KLHL1: variants seen among roughly 807,000 people sequenced by gnomAD.
KLHL1 encodes kelch-like protein 1.
KLHL1 carries 47 observed loss-of-function variants against 77.7 expected under a neutral mutation model. The observed-to-expected ratio is 0.60, with a 90% CI of 0.48 to 0.77. KLHL1 has a LOEUF of 0.77. KLHL1 is among the 30% of genes least tolerant of loss of function. The probability of loss-of-function intolerance (pLI) is 0.00; values close to 1 mark genes in which losing one functional copy is unlikely to be tolerated. For synonymous variants in KLHL1, 360 were observed against 325.2 expected (o/e 1.11, Z -1.15); for missense variants, 925 against 910.8 (o/e 1.02, Z -0.20).
intron 1 of KLHL1, among the ~76,000 whole-genome samples, chr13:69,981,225 A>T (rs868575257): frequency 4.2e-4 from 61 of 144,106 alleles, no homozygotes; most frequent in African/African-American, 1.6e-3. Flanking sequence ...TGACAATACT[A>T]AAATTACACT....
At chr13:69,722,530 G>T (rs987615609) in intron 8 of KLHL1, among the ~76,000 whole-genome samples, 1 of 151,530 alleles carries the variant, frequency 6.6e-6, no homozygotes, top group African/African-American at 2.4e-5. Flanking sequence ...AATTCCAGGA[G>T]CAAACAGATA....
intron 1 of KLHL1, among the ~76,000 whole-genome samples, chr13:70,021,551 T>C (rs565781251): frequency 2.2e-4 from 33 of 152,188 alleles, no homozygotes; most frequent in African/African-American, 7.9e-4. Context: ...CTGAATCTCA[T>C]GGCAAACGTA....
intron 2 of KLHL1, among the ~76,000 whole-genome samples, chr13:69,973,382 A>G (rs1884450558): frequency 6.6e-6 from 1 of 151,764 alleles, no homozygotes; most frequent in Non-Finnish European, 1.5e-5. Context: ...ATTATGAATG[A>G]ATACTGAGCA....
At chr13:70,015,649 C>T (rs1309152882) in intron 1 of KLHL1, among the ~76,000 whole-genome samples, 1 of 150,864 alleles carries the variant, frequency 6.6e-6, no homozygotes, top group Non-Finnish European at 1.5e-5. Context: ...AGGCTTTATG[C>T]TGGATGATTT....
At chr13:69,809,331 G>A (rs1359210177) in intron 6 of KLHL1, among the ~76,000 whole-genome samples, 2 of 152,080 alleles carry the variant, frequency 1.3e-5, no homozygotes, top group Non-Finnish European at 2.9e-5. Context: ...ACCTACAAAG[G>A]GAAACCTGGC....
In KLHL1 at chr13:69,961,453, G is replaced by A; in HGVS notation, c.681-9C>T. On this transcript the variant is annotated splice_polypyrimidine_tract_variant and intron_variant, in intron 2 of 10. Coordinates refer to ENST00000377844, the MANE Select transcript of KLHL1 (RefSeq NM_020866.3). ...CTGAACTCAGAACAAGCCTGAAAGA[G>A]TCACAGGTTCTAATTTAGGTCGTGA... 6.2e-7 allele frequency: 1 copy of A among 1,612,384 alleles called. No homozygotes were observed. The highest frequency in any genetic ancestry group is 8.5e-7 in the Non-Finnish European group (1 of 1,179,036).
intron 1 of KLHL1, among the ~76,000 whole-genome samples, chr13:70,024,057 G>T (rs550139245): frequency 6.6e-6 from 1 of 151,894 alleles, no homozygotes; most frequent in South Asian, 2.1e-4. Flanking sequence ...ATGTATTAGG[G>T]TGTTTTAAAG....
intron 6 of KLHL1, among the ~76,000 whole-genome samples, chr13:69,806,928 C>A (rs1877641872): frequency 2.0e-5 from 3 of 152,166 alleles, no homozygotes; most frequent in African/African-American, 7.2e-5. Flanking sequence ...CTACAAGTTG[C>A]TGATCAGATT....
At chr13:69,808,135 C>T (rs1482153410) in intron 6 of KLHL1, among the ~76,000 whole-genome samples, 1 of 152,068 alleles carries the variant, frequency 6.6e-6, no homozygotes, top group Non-Finnish European at 1.5e-5. Flanking sequence ...ACCTCTTTCC[C>T]CCCACACCCC....
intron 4 of KLHL1, among the ~76,000 whole-genome samples, chr13:69,922,810 G>A (rs777332080): frequency 1.3e-5 from 2 of 152,090 alleles, no homozygotes; most frequent in African/African-American, 4.8e-5. Flanking sequence ...GCATGCAGAC[G>A]TAGAACTGTA....
chr13:69,760,347 T>TTTATTATTATTATTA (rs141226123), intron 7 of KLHL1, among the ~76,000 whole-genome samples: 1 of 150,068 alleles, frequency 6.7e-6, no homozygotes, highest in East Asian at 2.0e-4. Flanking sequence ...GTTAGGATAT[T>TTTATTATTATTATTA]TTATTATTAT....
At chr13:70,084,464 C>CTTTTTTTTTTTT (rs1266369112) in intron 1 of KLHL1, among the ~76,000 whole-genome samples, 1 of 129,042 alleles carries the variant, frequency 7.7e-6, no homozygotes, top group African/African-American at 2.9e-5. Flanking sequence ...TCTTCTTCTT[C>CTTTTTTTTTTTT]TTTTTTTTTT....
At chr13:69,757,661 G>A (rs186334828) in intron 7 of KLHL1, among the ~76,000 whole-genome samples, 1 of 152,022 alleles carries the variant, frequency 6.6e-6, no homozygotes, top group East Asian at 1.9e-4. Context: ...AATCAAATAA[G>A]ATCACATGTT....
chr13:70,077,550 C>G (rs569897527), intron 1 of KLHL1, among the ~76,000 whole-genome samples: 15 of 151,300 alleles, frequency 9.9e-5, no homozygotes, highest in African/African-American at 3.4e-4. Flanking sequence ...TGTGAAAATA[C>G]ATAAAACTGT....
intron 4 of KLHL1, among the ~76,000 whole-genome samples, chr13:69,886,098 A>G (rs1405416598): frequency 6.6e-6 from 1 of 152,108 alleles, no homozygotes; most frequent in Non-Finnish European, 1.5e-5. Context: ...GTAGTCTAAA[A>G]CTTTGATGGT....
intron 7 of KLHL1, among the ~76,000 whole-genome samples, chr13:69,777,434 G>A (rs958673502): frequency 6.6e-6 from 1 of 151,594 alleles, no homozygotes; most frequent in Admixed American, 6.6e-5. Flanking sequence ...TCTTAAAGTG[G>A]GATTATAGAG....
rs529599605 is a variant in KLHL1 at position 69,747,097 on chromosome 13, C to T, written c.1640-6541G>A. On this transcript the variant is annotated intron_variant, in intron 7 of 10. Transcript: ENST00000377844. The stretch of plus-strand genomic sequence containing the variant: ...GTTAATCTTTGTACTCTTTCCATCT[C>T]TTTCACATCTTGTTCTCAAGTCCAG... Among the ~76,000 whole-genome samples, 29 of 152,162 alleles carry T rather than the reference C, an allele frequency of 1.9e-4. No individual in the cohort carries two copies. In the East Asian group the frequency reaches 5.4e-3, roughly 28 times the overall value.
At chr13:69,898,544 C>G (rs1593929743) in intron 4 of KLHL1, among the ~76,000 whole-genome samples, 1 of 152,286 alleles carries the variant, frequency 6.6e-6, no homozygotes, top group Non-Finnish European at 1.5e-5. Context: ...TTGTCAGGCT[C>G]AGATATGAGT....
intron 1 of KLHL1, among the ~76,000 whole-genome samples, chr13:69,992,443 T>A (rs1301594998): frequency 1.3e-5 from 2 of 151,964 alleles, no homozygotes; most frequent in Non-Finnish European, 2.9e-5. Flanking sequence ...TGAATTTGCA[T>A]ACAGATTGTA....
Sources: gnomAD v4.1 joint callset for allele counts (sites outside exome capture counted in the v4.1 genomes callset) on GRCh38, gnomAD v4.1.1 for gene constraint, MANE v1.5 for transcripts, NCBI Gene and HGNC (gene_info 2026-07-23, HGNC 2026-07-21) for gene names.